The following FAT4 variants were observed in gnomAD, a reference collection of about 807,000 sequenced individuals.
The protein encoded by FAT4 is FAT atypical cadherin 4.
FAT4 carries 84 observed loss-of-function variants against 303.9 expected under a neutral mutation model. That is an observed-to-expected ratio of 0.28 (90% CI 0.23 to 0.33). The LOEUF (loss-of-function observed/expected upper bound fraction) is 0.33. Ranked by LOEUF, FAT4 falls within the 10% of genes least tolerant of loss-of-function variation. The probability of loss-of-function intolerance (pLI) is 1.00; values close to 1 mark genes in which losing one functional copy is unlikely to be tolerated. For synonymous variants in FAT4, 2,307 were observed against 2,298.8 expected (o/e 1.00, Z -0.10); for missense variants, 6,005 against 6,146.8 (o/e 0.98, Z 0.77).
rs576617197 is a variant in FAT4 at position 125,377,270 on chromosome 4, A to G, written c.5176-21514A>G. Reference sequence around the variant, plus strand: ...TCAATGAGGAAAAGAAGCCTTTACTATTTACTTTTATATTTCATATGTAGC... The same window carrying G: ...TCAATGAGGAAAAGAAGCCTTTACTGTTTACTTTTATATTTCATATGTAGC... On this transcript the variant is annotated intron_variant, in intron 2 of 17. Coordinates refer to ENST00000394329, the MANE Select transcript of FAT4 (RefSeq NM_001291303.3). Among the ~76,000 whole-genome samples the G allele has an allele frequency of 3.3e-5, 5 of 152,082 alleles. No individual in the cohort carries two copies. The East Asian group carries it at 7.7e-4, about 24-fold the overall frequency.
rs773693288 is a variant in FAT4 at position 125,491,669 on chromosome 4, T to A, written c.14853T>A (p.Asp4951Glu). 1 of 1,614,146 alleles carries A rather than the reference T, an allele frequency of 6.2e-7. No individual in the cohort carries two copies. Among genetic ancestry groups the A allele is most frequent in the South Asian group, 1.1e-5 (1 of 91,086 alleles). Reference protein sequence around the residue: ...GFGHYVDVFKDLASLPEKAAA... With the variant: ...GFGHYVDVFKELASLPEKAAA... ...GCCATTATGTAGATGTTTTTAAAGA[T>A]TTGGCATCTCTTCCAGAAAAAGCAG... is the stretch of plus-strand genomic sequence containing the variant. Residue 4951 changes from aspartate (D) to glutamate (E), a missense_variant, in exon 18 of 18, where the codon GAT (aspartate) becomes GAA (glutamate). Physicochemically the swap from Asp to Glu is conservative, Grantham distance 45 (BLOSUM62 2). Coordinates refer to ENST00000394329, the MANE Select transcript of FAT4 (RefSeq NM_001291303.3).
chr4:125,323,825 A>T (rs1731047854), intron 2 of FAT4, among the ~76,000 whole-genome samples: 1 of 152,200 alleles, frequency 6.6e-6, no homozygotes, highest in South Asian at 2.1e-4. Flanking sequence ...GACTTTGTCC[A>T]GCGCATTTTA....
At chr4:125,371,761 G>C (rs543037141) in intron 2 of FAT4, among the ~76,000 whole-genome samples, 1 of 151,622 alleles carries the variant, frequency 6.6e-6, no homozygotes, top group East Asian at 1.9e-4. Flanking sequence ...AATAATTACA[G>C]ATAGAGTTTT....
intron 2 of FAT4, among the ~76,000 whole-genome samples, chr4:125,328,481 G>A (rs1342527549): frequency 1.3e-5 from 2 of 152,106 alleles, no homozygotes; most frequent in East Asian, 3.9e-4. Context: ...TTTAAGAAAC[G>A]ATCAGTGAGT....
intron 16 of FAT4, among the ~76,000 whole-genome samples, chr4:125,482,868 C>A (rs1035063199): frequency 6.6e-6 from 1 of 152,252 alleles, no homozygotes; most frequent in Middle Eastern, 3.4e-3. Flanking sequence ...AGTACAAAAA[C>A]CAATATTTCT....
chr4:125,360,893 A>G (rs1419547384), intron 2 of FAT4, among the ~76,000 whole-genome samples: 3 of 148,248 alleles, frequency 2.0e-5, no homozygotes, highest in African/African-American at 7.3e-5. Context: ...TTTAATATTT[A>G]TTAAATTTTT....
At chr4:125,406,328 G>C (rs547904097) in intron 3 of FAT4, among the ~76,000 whole-genome samples, 1 of 152,124 alleles carries the variant, frequency 6.6e-6, no homozygotes, top group African/African-American at 2.4e-5. Flanking sequence ...TTATTTATAG[G>C]CGTTCTAGTC....
chr4:125,367,299 C>T lies in FAT4; in HGVS notation c.5176-31485C>T, dbSNP rs115827343. Among the ~76,000 whole-genome samples, 1,201 of 152,258 alleles carry T rather than the reference C, an allele frequency of 7.9e-3. 17 individuals are homozygous for T. The highest frequency in any genetic ancestry group is 0.028 in the African/African-American group (1,149 of 41,544). On this transcript the variant is annotated intron_variant, in intron 2 of 17. Coordinates refer to ENST00000394329, the MANE Select transcript of FAT4 (RefSeq NM_001291303.3). ...CATTTGCCAGACATTTTTCTACACA[C>T]TGTACATATATTAAATCATTTAATA... is the stretch of plus-strand genomic sequence containing the variant.
At chr4:125,363,471 C>A (rs1443352952) in intron 2 of FAT4, among the ~76,000 whole-genome samples, 1 of 151,258 alleles carries the variant, frequency 6.6e-6, no homozygotes, top group Non-Finnish European at 1.5e-5. Flanking sequence ...TTTTTCAATT[C>A]TATATCAATA....
At chr4:125,426,750 A>G (rs114148798) in intron 7 of FAT4, among the ~76,000 whole-genome samples, 106 of 152,158 alleles carry the variant, frequency 7.0e-4, no homozygotes, top group African/African-American at 2.5e-3. Flanking sequence ...GTTTCAATCT[A>G]TTATCCATTT....
chr4:125,399,818 C>T (rs998979594), intron 3 of FAT4, among the ~76,000 whole-genome samples: 5 of 151,844 alleles, frequency 3.3e-5, no homozygotes, highest in African/African-American at 9.7e-5. Context: ...AGAAAAGATA[C>T]GATGTTTTAT....
chr4:125,449,871 T>C lies in FAT4; in HGVS notation c.8861T>C (p.Ile2954Thr). 2 of 1,613,968 alleles carry C rather than the reference T, an allele frequency of 1.2e-6. No individual in the cohort carries two copies. The highest frequency in any genetic ancestry group is 1.7e-6 in the Non-Finnish European group (2 of 1,179,918). ...SNVNINRHSFIVTSSDRGKPS... is the reference protein window; with the variant it reads ...SNVNINRHSFTVTSSDRGKPS... ...GTGAATATCAACAGGCATAGTTTTATAGTGACATCTTCAGATCGAGGTAAA... is the reference window on the plus strand; with the variant it reads ...GTGAATATCAACAGGCATAGTTTTACAGTGACATCTTCAGATCGAGGTAAA... The change falls in exon 10 of 18, where the codon ATA becomes ACA. Residue 2954 changes from isoleucine to threonine, a missense_variant. By Grantham distance (89) the Ile-to-Thr change is moderately conservative (BLOSUM62 -1). Coordinates refer to ENST00000394329, the MANE Select transcript of FAT4 (RefSeq NM_001291303.3).
At position 125,477,216 on chromosome 4, in the gene FAT4, C is replaced by T. The variant is rs1455202994; in HGVS notation, c.12361C>T (p.Leu4121Phe). 6.5e-6 allele frequency: 10 copies of T among 1,533,080 alleles called. No individual in the cohort carries two copies. Among genetic ancestry groups the T allele is most frequent in the Non-Finnish European group, 8.8e-6 (10 of 1,135,760 alleles). The allele number at this position is 1,533,080 out of a possible 1,614,324, so 95.0% of individuals were successfully genotyped here. Residue 4121 changes from leucine to phenylalanine, a missense_variant, in exon 14 of 18, where the codon CTT (leucine) becomes TTT (phenylalanine). Leu to Phe is a conservative substitution (Grantham distance 22, BLOSUM62 0). Transcript: ENST00000394329. ...AGGTATCAGATCTCTAGAACCAATC[C>T]TTCAGAGAAGAGGACACGTGGAAAG... ...VGGIRSLEPI[L>F]QRRGHVESHD...
In FAT4 at chr4:125,491,282, A is replaced by T. The variant is rs371558608; in HGVS notation, c.14466A>T (p.Arg4822Ser). 3.1e-6 allele frequency: 5 copies of T among 1,614,052 alleles called. No individual in the cohort carries two copies. The highest frequency in any genetic ancestry group is 4.2e-6 in the Non-Finnish European group (5 of 1,180,036). ...GGTCTTCTTCAGAGGAGGACTGCAG[A>T]AGGCCACTGTCTAGAACAAGGAATC... Reference protein sequence around the residue: ...HGRSSSEEDCRRPLSRTRNPA... With the variant: ...HGRSSSEEDCSRPLSRTRNPA... The change falls in exon 18 of 18, where the codon AGA becomes AGT. Residue 4822 changes from arginine to serine, a missense_variant. By Grantham distance (110) the Arg-to-Ser change is moderately radical. Coordinates refer to ENST00000394329, the MANE Select transcript of FAT4 (RefSeq NM_001291303.3).
chr4:125,424,247 G>T (rs1157379546), intron 7 of FAT4, among the ~76,000 whole-genome samples: 1 of 152,102 alleles, frequency 6.6e-6, no homozygotes, highest in Non-Finnish European at 1.5e-5. Context: ...TCCTGAGAGG[G>T]ACCTAGTGGG....
chr4:125,407,744 G>A (rs751991640), intron 4 of FAT4, among the ~76,000 whole-genome samples: 1 of 152,008 alleles, frequency 6.6e-6, no homozygotes, highest in Non-Finnish European at 1.5e-5. Context: ...ATATTATATT[G>A]TGATTTTTTT....
intron 2 of FAT4, among the ~76,000 whole-genome samples, chr4:125,388,398 CA>C (rs545291438): frequency 4.9e-4 from 74 of 151,700 alleles, no homozygotes; most frequent in Middle Eastern, 3.4e-3. Context: ...ACACATTAGG[CA>C]AAAAAAGAGA....
At chr4:125,388,080 T>A (rs1733830237) in intron 2 of FAT4, among the ~76,000 whole-genome samples, 1 of 152,194 alleles carries the variant, frequency 6.6e-6, no homozygotes, top group Admixed American at 6.5e-5. Flanking sequence ...CTGGTAGTAG[T>A]GGGCTAGCAG....
intron 5 of FAT4, among the ~76,000 whole-genome samples, chr4:125,411,634 GAAATTA>G (rs1395214650): frequency 6.6e-6 from 1 of 151,068 alleles, no homozygotes; most frequent in Non-Finnish European, 1.5e-5. Flanking sequence ...GTTCTTTATA[GAAATTA>G]GAAGATAACA....
Sources: allele counts gnomAD v4.1 joint callset (sites outside exome capture counted in the v4.1 genomes callset), GRCh38; gene constraint gnomAD v4.1.1; transcripts MANE v1.5; gene names NCBI Gene and HGNC (gene_info 2026-07-23, HGNC 2026-07-21).